Variants in IPCEF1 observed in about 807,000 individuals in gnomAD.
The protein encoded by IPCEF1 is interaction protein for cytohesin exchange factors 1.
Under a neutral mutation model 50.9 loss-of-function variants are expected in IPCEF1, and 31 were observed. That is an observed-to-expected ratio of 0.61 (90% CI 0.46 to 0.82). IPCEF1 has a LOEUF of 0.82. Ranked by LOEUF, IPCEF1 falls within the 40% of genes least tolerant of loss-of-function variation. The pLI is 0.00. For missense variants in IPCEF1, 458 were observed against 514.0 expected (o/e 0.89, Z 1.05); for synonymous variants, 181 against 192.0 (o/e 0.94, Z 0.47).
rs144803432 is a variant in IPCEF1, at chr6:154,319,833, T to C, written c.-61-30077A>G. 6.6e-3 allele frequency among the ~76,000 whole-genome samples: 1,009 copies of C among 152,324 alleles called. 8 individuals are homozygous for C. Among genetic ancestry groups the C allele is most frequent in the Middle Eastern group, 0.02 (6 of 294 alleles). ...ACGCTCCCAATACACGGCTCAGGCA[T>C]GGGCTTTTCTTTTGGAAAGAGAGAA... On this transcript the variant is annotated intron_variant, in intron 1 of 11. Coordinates refer to ENST00000367220, the MANE Select transcript of IPCEF1 (RefSeq NM_001130700.2).
At chr6:154,206,475 GCA>G (rs1226438100) in intron 9 of IPCEF1, among the ~76,000 whole-genome samples, 1 of 152,188 alleles carries the variant, frequency 6.6e-6, no homozygotes, top group African/African-American at 2.4e-5. Flanking sequence ...TGTGTGCTAG[GCA>G]CAGTCATAAA....
At chr6:154,282,660 C>T (rs1713119451) in intron 2 of IPCEF1, among the ~76,000 whole-genome samples, 1 of 151,936 alleles carries the variant, frequency 6.6e-6, no homozygotes, top group South Asian at 2.1e-4. Context: ...GCAGTCTGGC[C>T]TGGGCAAAAG....
At chr6:154,348,787 C>T (rs965945572) in intron 1 of IPCEF1, among the ~76,000 whole-genome samples, 3 of 152,114 alleles carry the variant, frequency 2.0e-5, no homozygotes, top group Non-Finnish European at 4.4e-5. Flanking sequence ...CAGCAACGTT[C>T]CTGCAACAAC....
intron 1 of IPCEF1, among the ~76,000 whole-genome samples, chr6:154,356,356 A>G (rs1485080672): frequency 1.3e-5 from 2 of 152,192 alleles, no homozygotes; most frequent in African/African-American, 4.8e-5. Flanking sequence ...TCAGGACCCA[A>G]ATACATGCTG....
chr6:154,195,574 C>T (rs1285252794), intron 10 of IPCEF1, among the ~76,000 whole-genome samples: 1 of 152,118 alleles, frequency 6.6e-6, no homozygotes, highest in African/African-American at 2.4e-5. Context: ...TTTCCATCCC[C>T]TTTACCCACG....
chr6:154,195,314 A>T (rs2128586335), intron 10 of IPCEF1, among the ~76,000 whole-genome samples: 1 of 151,742 alleles, frequency 6.6e-6, no homozygotes, highest in South Asian at 2.1e-4. Context: ...CACCTGGCTA[A>T]TTTTTTGTGT....
rs1187429421 is a variant in IPCEF1 at position 154,265,920 on chromosome 6, T to A, written c.28A>T (p.Ser10Cys). 2 of 1,601,598 alleles carry A rather than the reference T, an allele frequency of 1.2e-6. No individual in the cohort carries two copies. The highest frequency in any genetic ancestry group is 1.7e-6 in the Non-Finnish European group (2 of 1,173,264). Residue 10 changes from serine to cysteine, a missense_variant, in exon 3 of 12, where the codon AGT (serine) becomes TGT (cysteine). By Grantham distance (112) the Ser-to-Cys change is moderately radical. Transcript: ENST00000367220. MTSYMAIDG[S>C]ALQVPLRQKP... Reference sequence around the variant, plus strand: ...TTCCAAAGGATACTTACAAGAGCACTGCCATCAATAGCCATGTATGATGTC... The same window carrying A: ...TTCCAAAGGATACTTACAAGAGCACAGCCATCAATAGCCATGTATGATGTC...
intron 10 of IPCEF1, among the ~76,000 whole-genome samples, chr6:154,170,344 T>C (rs1397500547): frequency 1.3e-5 from 2 of 152,086 alleles, no homozygotes; most frequent in Admixed American, 1.3e-4. Context: ...AGCCTCTCCA[T>C]AGGGTGGAGA....
intron 1 of IPCEF1, among the ~76,000 whole-genome samples, chr6:154,335,901 A>T (rs1022667292): frequency 2.0e-5 from 3 of 152,220 alleles, no homozygotes; most frequent in African/African-American, 4.8e-5. Context: ...AACACACAAC[A>T]TCACTAACTT....
intron 1 of IPCEF1, among the ~76,000 whole-genome samples, chr6:154,335,887 A>T (rs1446965269): frequency 1.3e-5 from 2 of 152,248 alleles, no homozygotes; most frequent in Admixed American, 6.5e-5. Flanking sequence ...TAGATATATT[A>T]AAAAACACAC....
intron 10 of IPCEF1, among the ~76,000 whole-genome samples, chr6:154,178,478 TA>T (rs939273187): frequency 6.6e-6 from 1 of 152,168 alleles, no homozygotes; most frequent in Non-Finnish European, 1.5e-5. Flanking sequence ...ACCTTTATGT[TA>T]AAAATATCGA....
intron 10 of IPCEF1, among the ~76,000 whole-genome samples, chr6:154,198,064 C>T (rs1776764162): frequency 6.6e-6 from 1 of 152,080 alleles, no homozygotes; most frequent in African/African-American, 2.4e-5. Context: ...ACACAATAGG[C>T]AATCAATATT....
chr6:154,189,397 A>G (rs1223383954), intron 10 of IPCEF1, among the ~76,000 whole-genome samples: 4 of 152,210 alleles, frequency 2.6e-5, no homozygotes, highest in Admixed American at 6.5e-5. Flanking sequence ...CCGTAGAGAA[A>G]TGCAGGCATA....
At chr6:154,267,613 C>T (rs1211759911) in intron 2 of IPCEF1, among the ~76,000 whole-genome samples, 1 of 152,152 alleles carries the variant, frequency 6.6e-6, no homozygotes, top group African/African-American at 2.4e-5. Context: ...TGAAGAGGAG[C>T]TTTATTGAGT....
At chr6:154,279,360 C>A (rs990341198) in intron 2 of IPCEF1, among the ~76,000 whole-genome samples, 1 of 152,292 alleles carries the variant, frequency 6.6e-6, no homozygotes, top group Non-Finnish European at 1.5e-5. Flanking sequence ...GGAAAGATGT[C>A]GTGTGTTCAT....
chr6:154,217,371 G>A (rs1341779053), intron 7 of IPCEF1: 2 of 151,894 alleles, frequency 1.3e-5, no homozygotes, highest in Non-Finnish European at 2.9e-5. Context: ...TCTGCCACAT[G>A]GAGATGATCC....
At chr6:154,285,336 A>T (rs1364607556) in intron 2 of IPCEF1, among the ~76,000 whole-genome samples, 1 of 152,210 alleles carries the variant, frequency 6.6e-6, no homozygotes, top group Non-Finnish European at 1.5e-5. Flanking sequence ...CACTGTCTAC[A>T]TATAATAAAT....
Position 154,199,785 on chromosome 6 carries a change from T to C in IPCEF1, c.793A>G (p.Thr265Ala), listed in dbSNP as rs1202951759. Residue 265 changes from threonine (T) to alanine (A), a missense_variant, in exon 10 of 12, where the codon ACA becomes GCA. Thr to Ala is a moderately conservative substitution (Grantham distance 58). Coordinates refer to ENST00000367220, the MANE Select transcript of IPCEF1 (RefSeq NM_001130700.2). Reference sequence around the variant, plus strand: ...GAGTTCAAAAATCCACTTTCTGATGTGACAAAACTGTTTTCCAGGGCCTTG... The same window carrying C: ...GAGTTCAAAAATCCACTTTCTGATGCGACAAAACTGTTTTCCAGGGCCTTG... ...IHKALENSFV[T>A]SESGFLNSLS... is the part of the protein sequence containing the mutation. The C allele has an allele frequency of 6.2e-7, 1 of 1,614,252 alleles. No homozygotes were observed. Among genetic ancestry groups the C allele is most frequent in the Admixed American group, 1.7e-5 (1 of 60,024 alleles).
At chr6:154,336,038 T>C (rs1458968534) in intron 1 of IPCEF1, among the ~76,000 whole-genome samples, 11 of 151,900 alleles carry the variant, frequency 7.2e-5, no homozygotes, top group Admixed American at 6.6e-4. Context: ...GGTGAGGAGG[T>C]GGAGAAAAGG....
Sources: allele counts gnomAD v4.1 joint callset (sites outside exome capture counted in the v4.1 genomes callset), GRCh38; gene constraint gnomAD v4.1.1; transcripts MANE v1.5; gene names NCBI Gene and HGNC (gene_info 2026-07-23, HGNC 2026-07-21).